Variants in TRMT10A observed in about 807,000 individuals in gnomAD.
TRMT10A encodes the protein tRNA methyltransferase 10A.
TRMT10A carries 37 observed loss-of-function variants against 40.4 expected under a neutral mutation model. The ratio of observed to expected loss-of-function variants is 0.92; its 90% CI spans 0.71 to 1.21. The LOEUF (loss-of-function observed/expected upper bound fraction) is 1.21, where lower values mean the gene tolerates loss of function less well. Among genes scored for constraint, TRMT10A ranks in the 50% most tolerant of loss-of-function variants. The pLI, the probability that TRMT10A is intolerant of heterozygous loss-of-function variation, is 0.00. For missense variants in TRMT10A, 388 were observed against 404.3 expected, an observed-to-expected ratio of 0.96 and a Z score of 0.35; for synonymous variants, 103 against 134.1, an observed-to-expected ratio of 0.77 and a Z score of 1.60.
At position 99,559,205 on chromosome 4, in the gene TRMT10A, A is replaced by G; in HGVS notation, c.134T>C (p.Met45Thr). 3 of 1,613,006 alleles carry G rather than the reference A, an allele frequency of 1.9e-6. No individual in the cohort carries two copies. The highest frequency in any genetic ancestry group is 1.1e-5 in the South Asian group (1 of 90,942). ...TTGTTTCTGTTTTATTAGTTTTTTCATTTGTCGTTTAGATATTGGTTCACA... is the reference window on the plus strand; with the variant it reads ...TTGTTTCTGTTTTATTAGTTTTTTCGTTTGTCGTTTAGATATTGGTTCACA... ...EGCEPISKRQMKKLIKQKQWE... is the reference protein window; with the variant it reads ...EGCEPISKRQTKKLIKQKQWE... Residue 45 changes from methionine to threonine, a missense_variant, in exon 2 of 8, where the codon ATG becomes ACG. Coordinates refer to ENST00000394876, the MANE Select transcript of TRMT10A (RefSeq NM_001134665.3).
chr4:99,562,947 C>CCG (rs1553925007), intron 1 of TRMT10A, among the ~76,000 whole-genome samples: 3 of 151,776 alleles, frequency 2.0e-5, no homozygotes, highest in East Asian at 1.9e-4. Context: ...TCAGCCCCCC[C>CCG]AGTAGCTGGG....
At chr4:99,561,524 C>T (rs534781758) in intron 1 of TRMT10A, among the ~76,000 whole-genome samples, 8 of 152,110 alleles carry the variant, frequency 5.3e-5, no homozygotes, top group African/African-American at 7.2e-5. Context: ...TTTAAATAAG[C>T]CAGGTGCACT....
At chr4:99,550,830 T>G in intron 7 of TRMT10A, 55 bp downstream of exon 7, 4 of 1,271,320 alleles carry the variant, frequency 3.1e-6, no homozygotes, top group Non-Finnish European at 4.5e-6. Context: ...AAATGTAATA[T>G]TCTTTCTCAC....
chr4:99,549,487 T>C lies in TRMT10A; in HGVS notation c.752-131A>G, dbSNP rs542083995. 8.8e-5 allele frequency: 107 copies of C among 1,219,946 alleles called. 1 individual carries two copies. The South Asian group carries it at 1.6e-3, about 18-fold the overall frequency. The allele number at this position is 1,219,946 out of a possible 1,614,324, so 75.6% of individuals were successfully genotyped here. The stretch of plus-strand genomic sequence containing the variant: ...TAATAACTACTTTGTTCTTAGCTCT[T>C]CTTTCTATTGTCTGTCAAGCCCAAT... On this transcript the variant is annotated intron_variant, in intron 7 of 7. Transcript: ENST00000394876.
chr4:99,559,621 T>G (rs572117773), intron 1 of TRMT10A, among the ~76,000 whole-genome samples: 16 of 152,180 alleles, frequency 1.1e-4, no homozygotes, highest in South Asian at 2.1e-4. Context: ...ATATATATGT[T>G]TTAAGAGCTT....
intron 5 of TRMT10A, 46 bp from the exon 6 acceptor site, chr4:99,553,980 G>A (rs1724061642): frequency 6.4e-7 from 1 of 1,564,814 alleles, no homozygotes; most frequent in Non-Finnish European, 8.6e-7. Context: ...AAGACCTTAT[G>A]AAAGTTGGCT....
chr4:99,560,515 A>G (rs934184099), intron 1 of TRMT10A, among the ~76,000 whole-genome samples: 1 of 152,156 alleles, frequency 6.6e-6, no homozygotes, highest in Admixed American at 6.5e-5. Context: ...GGATAACAGA[A>G]TAAGAGAGAT....
chr4:99,551,655 C>A (rs922690165), intron 6 of TRMT10A, among the ~76,000 whole-genome samples: 2 of 151,906 alleles, frequency 1.3e-5, no homozygotes, highest in Non-Finnish European at 2.9e-5. Context: ...AGAGTGTACT[C>A]CTCCTACTCC....
chr4:99,562,543 T>TTTTTTTGGGG (rs1724469568), intron 1 of TRMT10A, among the ~76,000 whole-genome samples: 1 of 126,676 alleles, frequency 7.9e-6, no homozygotes, highest in Non-Finnish European at 1.6e-5. Flanking sequence ...TTTTTTTTTT[T>TTTTTTTGGGG]GAGAGGGAGT....
intron 6 of TRMT10A, among the ~76,000 whole-genome samples, chr4:99,551,890 CA>C (rs1723978733): frequency 7.1e-6 from 1 of 141,386 alleles, no homozygotes; most frequent in Non-Finnish European, 1.6e-5. Flanking sequence ...TAGTTTTTAA[CA>C]AAAAAGTTTA....
At chr4:99,561,133 AT>A (rs1362390296) in intron 1 of TRMT10A, among the ~76,000 whole-genome samples, 2 of 151,790 alleles carry the variant, frequency 1.3e-5, no homozygotes, top group African/African-American at 2.4e-5. Flanking sequence ...CGCCTGGCTA[AT>A]TTTTGTATTT....
chr4:99,549,012 C>A lies in TRMT10A; in HGVS notation c.*76G>T. On this transcript the variant is annotated 3_prime_UTR_variant, in exon 8 of 8. Coordinates refer to ENST00000394876, the MANE Select transcript of TRMT10A (RefSeq NM_001134665.3). The stretch of plus-strand genomic sequence containing the variant: ...CAGAAATAAGAGAAAATAAAATGTT[C>A]TTCCAATTTCAATATTCTATATAGC... 1.5e-6 allele frequency: 2 copies of A among 1,373,296 alleles called. No individual in the cohort carries two copies. The highest frequency in any genetic ancestry group is 1.9e-6 in the Non-Finnish European group (2 of 1,037,076). 85.1% of individuals were successfully genotyped at this position (1,373,296 alleles called of 1,614,324 possible). A position where few individuals can be genotyped will look rare whatever the true frequency, so the allele number is the denominator to read the frequency against.
At chr4:99,554,176 T>C (rs111965350) in intron 5 of TRMT10A, among the ~76,000 whole-genome samples, 1 of 152,206 alleles carries the variant, frequency 6.6e-6, no homozygotes, top group Non-Finnish European at 1.5e-5. Flanking sequence ...CCCTCCAACC[T>C]ACTTCCACAC....
Position 99,547,915 on chromosome 4 carries a change from T to C in TRMT10A, c.*1173A>G, listed in dbSNP as rs1170342554. 1 of 152,110 alleles carries C rather than the reference T, an allele frequency of 6.6e-6. No homozygotes were observed. The highest frequency in any genetic ancestry group is 1.5e-5 in the Non-Finnish European group (1 of 67,992). The allele number at this position is 152,110 out of a possible 1,614,324, so 9.4% of individuals were successfully genotyped here. ...TTTTAGCTGTGACAGAGACCAATCA[T>C]TTTACCTTAAACATTTAACTGCATG... On this transcript the variant is annotated 3_prime_UTR_variant, in exon 8 of 8. Coordinates refer to ENST00000394876, the MANE Select transcript of TRMT10A (RefSeq NM_001134665.3).
rs1578221906 is a variant in TRMT10A, at chr4:99,564,029, A to G, written c.-140T>C. ...TTCAATTCCCAGAGGCAGGGGCGGTAGTTACGCAGTGGAGGCTACGGCGGT... is the reference window on the plus strand; with the variant it reads ...TTCAATTCCCAGAGGCAGGGGCGGTGGTTACGCAGTGGAGGCTACGGCGGT... On this transcript the variant is annotated 5_prime_UTR_variant, in exon 1 of 8. Transcript: ENST00000394876. 1 of 1,515,594 alleles carries G rather than the reference A, an allele frequency of 6.6e-7. No individual in the cohort carries two copies. Among genetic ancestry groups the G allele is most frequent in the African/African-American group, 1.4e-5 (1 of 72,542 alleles). 93.9% of individuals were successfully genotyped at this position (1,515,594 alleles called of 1,614,324 possible).
intron 1 of TRMT10A, among the ~76,000 whole-genome samples, chr4:99,561,550 C>T (rs10020461): frequency 0.26 from 39,775 of 151,898 alleles, 5,370 homozygotes; most frequent in South Asian, 0.35. Flanking sequence ...AAATGGAATG[C>T]AACAAAAATG....
At position 99,547,590 on chromosome 4, in the gene TRMT10A, T is replaced by C. The variant is rs896935545; in HGVS notation, c.*1498A>G. On this transcript the variant is annotated 3_prime_UTR_variant, in exon 8 of 8. Coordinates refer to ENST00000394876, the MANE Select transcript of TRMT10A (RefSeq NM_001134665.3). ...AGAAAAACATGAACCTTTGAAAAAATACAACTTAAGACATAAGCTTTGTTA... is the reference window on the plus strand; with the variant it reads ...AGAAAAACATGAACCTTTGAAAAAACACAACTTAAGACATAAGCTTTGTTA... 2.0e-5 allele frequency: 3 copies of C among 151,972 alleles called. No homozygotes were observed. Among genetic ancestry groups the C allele is most frequent in the Admixed American group, 2.0e-4 (3 of 15,242 alleles). 9.4% of individuals were successfully genotyped at this position (151,972 alleles called of 1,614,324 possible).
chr4:99,554,447 G>A (rs910390166), intron 5 of TRMT10A, among the ~76,000 whole-genome samples: 6 of 152,144 alleles, frequency 3.9e-5, no homozygotes, highest in East Asian at 1.9e-4. Flanking sequence ...AGCTGGCCAC[G>A]TGCGGTGGCT....
intron 6 of TRMT10A, among the ~76,000 whole-genome samples, chr4:99,551,412 T>C (rs1723958669): frequency 6.6e-6 from 1 of 152,156 alleles, no homozygotes; most frequent in Non-Finnish European, 1.5e-5. Context: ...TCATATACAG[T>C]GGTAGTCCCA....
Sources: gnomAD v4.1 joint callset for allele counts (sites outside exome capture counted in the v4.1 genomes callset) on GRCh38, gnomAD v4.1.1 for gene constraint, MANE v1.5 for transcripts, NCBI Gene and HGNC (gene_info 2026-07-23, HGNC 2026-07-21) for gene names.